PCDH9: variants seen among roughly 807,000 people sequenced by gnomAD.
The protein encoded by PCDH9 is protocadherin-9.
A neutral mutation model predicts 70.6 loss-of-function variants in PCDH9; 24 were observed. That is an observed-to-expected ratio of 0.34 (90% CI 0.25 to 0.48). The LOEUF is 0.48. Among genes scored for constraint, PCDH9 ranks in the 20% least tolerant of loss-of-function variants. PCDH9 has a pLI of 0.99. For synonymous variants in PCDH9, 562 were observed against 558.5 expected (o/e 1.01, Z -0.09); for missense variants, 1,281 against 1,503.6 (o/e 0.85, Z 2.45).
chr13:66,708,481 T>TAAG (rs1177472199), intron 3 of PCDH9, among the ~76,000 whole-genome samples: 1 of 152,108 alleles, frequency 6.6e-6, no homozygotes, highest in East Asian at 1.9e-4. Flanking sequence ...GATACTCCTT[T>TAAG]AGCCACTATT....
chr13:66,491,896 A>G (rs1361305221), intron 4 of PCDH9, among the ~76,000 whole-genome samples: 1 of 152,080 alleles, frequency 6.6e-6, no homozygotes, highest in Non-Finnish European at 1.5e-5. Flanking sequence ...CGGGACTGTG[A>G]TACTGGTAGG....
intron 3 of PCDH9, among the ~76,000 whole-genome samples, chr13:66,651,066 G>A (rs1671208756): frequency 6.6e-6 from 1 of 151,520 alleles, no homozygotes; most frequent in African/African-American, 2.4e-5. Context: ...AGGTATAAGT[G>A]CCTACATCAA....
At chr13:66,356,903 A>G (rs1419012973) in intron 4 of PCDH9, among the ~76,000 whole-genome samples, 1 of 152,064 alleles carries the variant, frequency 6.6e-6, no homozygotes, top group Non-Finnish European at 1.5e-5. Context: ...ACACACAGCT[A>G]TTGGGTAATC....
chr13:66,636,100 A>T (rs191275933), intron 3 of PCDH9, among the ~76,000 whole-genome samples: 6 of 152,250 alleles, frequency 3.9e-5, no homozygotes, highest in Admixed American at 2.6e-4. Flanking sequence ...AATCTGCATA[A>T]GCTAATTTCC....
intron 3 of PCDH9, among the ~76,000 whole-genome samples, chr13:66,711,552 T>A (rs531446265): frequency 3.3e-5 from 5 of 152,244 alleles, no homozygotes; most frequent in African/African-American, 1.2e-4. Context: ...AAATCAGTCG[T>A]CTTTTCCTTT....
intron 4 of PCDH9, among the ~76,000 whole-genome samples, chr13:66,346,164 G>T (rs928429200): frequency 6.6e-6 from 1 of 151,876 alleles, no homozygotes; most frequent in Non-Finnish European, 1.5e-5. Context: ...TTACACCACC[G>T]AGCCAAATGT....
intron 4 of PCDH9, among the ~76,000 whole-genome samples, chr13:66,572,163 T>G (rs1375820184): frequency 1.3e-5 from 2 of 152,166 alleles, no homozygotes; most frequent in African/African-American, 4.8e-5. Flanking sequence ...TGTGTAATAA[T>G]CAAGTCAGGG....
intron 4 of PCDH9, among the ~76,000 whole-genome samples, chr13:66,383,061 T>C (rs189824709): frequency 2.0e-5 from 3 of 152,152 alleles, no homozygotes; most frequent in African/African-American, 7.2e-5. Flanking sequence ...AGAAGATTAT[T>C]TTGAATATGG....
intron 2 of PCDH9, among the ~76,000 whole-genome samples, chr13:67,041,294 A>G (rs1270020131): frequency 6.6e-6 from 1 of 152,188 alleles, no homozygotes; most frequent in South Asian, 2.1e-4. Flanking sequence ...GGAATTTTCC[A>G]TAAACATTTT....
intron 2 of PCDH9, among the ~76,000 whole-genome samples, chr13:67,171,649 G>A (rs552653191): frequency 8.5e-5 from 13 of 152,196 alleles, no homozygotes; most frequent in Admixed American, 2.0e-4. Context: ...GGTGCAGTGC[G>A]TATAAACTAC....
At chr13:67,212,564 G>A (rs2089490445) in intron 2 of PCDH9, 5 of 152,080 alleles carry the variant, frequency 3.3e-5, no homozygotes. Flanking sequence ...TCTGTCCGTG[G>A]ATCATATGAC....
Position 66,547,932 on chromosome 13 carries a change from TA to T in PCDH9, c.3340+83277del, listed in dbSNP as rs1961286531. 1.0e-4 allele frequency among the ~76,000 whole-genome samples: 15 copies of T among 147,728 alleles called. No homozygotes were observed. The South Asian group carries it at 3.2e-3, about 31-fold the overall frequency. ...TAATATATTTAATCATATTATATAA[TA>T]ATATATATATTTAATTATAAAATAG... is the stretch of plus-strand genomic sequence containing the variant. On this transcript the variant is annotated intron_variant, in intron 4 of 4. Transcript: ENST00000377865.
intron 3 of PCDH9, among the ~76,000 whole-genome samples, chr13:66,866,664 G>A (rs1327363407): frequency 6.6e-6 from 1 of 151,958 alleles, no homozygotes; most frequent in Non-Finnish European, 1.5e-5. Context: ...GGCCGTGGTG[G>A]CGAGCGCCTA....
chr13:66,506,001 G>T (rs1959208885), intron 4 of PCDH9, among the ~76,000 whole-genome samples: 1 of 152,154 alleles, frequency 6.6e-6, no homozygotes, highest in African/African-American at 2.4e-5. Context: ...AGGCAGGAGG[G>T]TAATCTGTAC....
intron 3 of PCDH9, among the ~76,000 whole-genome samples, chr13:66,688,853 C>T (rs949298244): frequency 6.6e-6 from 1 of 152,104 alleles, no homozygotes; most frequent in African/African-American, 2.4e-5. Flanking sequence ...GCATACATAG[C>T]AAGACATTCA....
At chr13:66,658,031 T>C (rs564732066) in intron 3 of PCDH9, among the ~76,000 whole-genome samples, 7 of 152,272 alleles carry the variant, frequency 4.6e-5, no homozygotes, top group Admixed American at 4.6e-4. Flanking sequence ...ATAAGAAATC[T>C]AGAGATGATT....
intron 4 of PCDH9, among the ~76,000 whole-genome samples, chr13:66,557,678 C>A (rs1429288625): frequency 6.6e-6 from 1 of 152,144 alleles, no homozygotes; most frequent in Non-Finnish European, 1.5e-5. Context: ...GGAAGATAAA[C>A]TATTATAAGT....
At chr13:66,581,329 G>A (rs2076889117) in intron 4 of PCDH9, among the ~76,000 whole-genome samples, 1 of 152,064 alleles carries the variant, frequency 6.6e-6, no homozygotes, top group African/African-American at 2.4e-5. Flanking sequence ...CCTTAAGATA[G>A]CATAATTATT....
At chr13:66,404,692 A>C (rs984584012) in intron 4 of PCDH9, among the ~76,000 whole-genome samples, 2 of 152,150 alleles carry the variant, frequency 1.3e-5, no homozygotes, top group African/African-American at 2.4e-5. Context: ...AAACCTTATA[A>C]TTTACGTATG....
Sources: allele counts gnomAD v4.1 joint callset (sites outside exome capture counted in the v4.1 genomes callset), GRCh38; gene constraint gnomAD v4.1.1; transcripts MANE v1.5; gene names NCBI Gene and HGNC (gene_info 2026-07-23, HGNC 2026-07-21).